The following FBXO25 variants were observed in gnomAD, a reference collection of about 807,000 sequenced individuals.
The protein encoded by FBXO25 is F-box protein 25.
FBXO25 carries 45 observed loss-of-function variants against 51.9 expected under a neutral mutation model. The ratio of observed to expected loss-of-function variants is 0.87; its 90% confidence interval spans 0.68 to 1.11. FBXO25 has a LOEUF of 1.11. FBXO25 is among the 50% of genes most tolerant of loss of function. FBXO25 has a pLI of 0.00. For synonymous variants in FBXO25, 199 were observed against 151.0 expected, an observed-to-expected ratio of 1.32 and a Z score of -2.33; for missense variants, 507 against 428.5, an observed-to-expected ratio of 1.18 and a Z score of -1.62.
chr8:413,403 C>T (rs575338146), intron 2 of FBXO25, among the ~76,000 whole-genome samples, 190 bp downstream of exon 2: 16 of 151,718 alleles, frequency 1.1e-4, no homozygotes, highest in Admixed American at 3.3e-4. Context: ...CAGATGCTTT[C>T]GTCTTTTTTT....
At chr8:422,980 T>A (rs1334293177) in intron 2 of FBXO25, among the ~76,000 whole-genome samples, 3 of 147,016 alleles carry the variant, frequency 2.0e-5, no homozygotes, top group African/African-American at 7.5e-5. Flanking sequence ...AGAGAACTTA[T>A]GCTCCATTTG....
intron 2 of FBXO25, 96 bp from the exon 3 acceptor site, chr8:431,245 T>C (rs1164707221): frequency 9.3e-6 from 6 of 644,020 alleles, no homozygotes; most frequent in Non-Finnish European, 1.6e-5. Context: ...AAGCCCACAG[T>C]CTGTCACTTT....
In FBXO25 at chr8:458,384, C is replaced by G. The variant is rs200439461; in HGVS notation, c.676C>G (p.Leu226Val). 1 of 1,613,594 alleles carries G rather than the reference C, an allele frequency of 6.2e-7. No individual in the cohort carries two copies. Among genetic ancestry groups the G allele is most frequent in the South Asian group, 1.1e-5 (1 of 90,940 alleles). ...LQMTKQVNNG[L>V]TLSDLPLHML... The stretch of plus-strand genomic sequence containing the variant: ...TTCCTTTCAGCAAGTGAACAATGGC[C>G]TCACCCTCAGTGACCTTCCTCTGCA... Residue 226 changes from leucine (L) to valine (V), a missense_variant, in exon 8 of 10, where the codon CTC (leucine) becomes GTC (valine). Coordinates refer to ENST00000350302, the MANE Select transcript of FBXO25 (RefSeq NM_183420.2).
Position 451,300 on chromosome 8 carries a change from C to G in FBXO25, c.507C>G (p.Ile169Met). The change falls in exon 7 of 10, where the codon ATC becomes ATG. Residue 169 changes from isoleucine (I) to methionine (M), a missense_variant. Physicochemically the swap from Ile to Met is conservative, Grantham distance 10. Coordinates refer to ENST00000350302, the MANE Select transcript of FBXO25 (RefSeq NM_183420.2). ...ATGACCACCACAATCCTCGCTTAATCAAAGATCTTCTGCAAGACCTAAGCT... is the reference window on the plus strand; with the variant it reads ...ATGACCACCACAATCCTCGCTTAATGAAAGATCTTCTGCAAGACCTAAGCT... Reference protein sequence around the residue: ...VLDDHHNPRLIKDLLQDLSST... With the variant: ...VLDDHHNPRLMKDLLQDLSST... The G allele has an allele frequency of 1.2e-6, 2 of 1,610,426 alleles. No homozygotes were observed. Among genetic ancestry groups the G allele is most frequent in the Admixed American group, 1.7e-5 (1 of 58,768 alleles).
chr8:436,091 A>G (rs1798088760), intron 5 of FBXO25, among the ~76,000 whole-genome samples: 1 of 152,218 alleles, frequency 6.6e-6, no homozygotes, highest in South Asian at 2.1e-4. Context: ...TTTCACAAGG[A>G]ATGAGGCTTG....
chr8:422,791 C>G (rs114349284), intron 2 of FBXO25, among the ~76,000 whole-genome samples: 2,235 of 152,264 alleles, frequency 0.015, 41 homozygotes, highest in African/African-American at 0.052. Context: ...TGGCTTACCT[C>G]TTAGTTCCCA....
chr8:438,665 A>G (rs1319365698), intron 5 of FBXO25, among the ~76,000 whole-genome samples: 1 of 152,210 alleles, frequency 6.6e-6, no homozygotes, highest in South Asian at 2.1e-4. Flanking sequence ...GGAGCCCATC[A>G]GTGCTGGCAT....
At chr8:452,686 C>T (rs1020549493) in intron 7 of FBXO25, among the ~76,000 whole-genome samples, 1 of 152,314 alleles carries the variant, frequency 6.6e-6, no homozygotes, top group East Asian at 1.9e-4. Flanking sequence ...AGGAAGCAGC[C>T]TTTCTTGTCT....
intron 8 of FBXO25, among the ~76,000 whole-genome samples, chr8:458,763 A>G (rs1337298113): frequency 1.2e-4 from 19 of 152,186 alleles, no homozygotes; most frequent in Admixed American, 1.2e-3. Flanking sequence ...CATGACTCTA[A>G]AAATAACCCA....
intron 5 of FBXO25, among the ~76,000 whole-genome samples, chr8:437,739 ATTT>A (rs34339077): frequency 5.4e-4 from 75 of 137,960 alleles, no homozygotes; most frequent in Middle Eastern, 3.7e-3. Flanking sequence ...AGTGTGTGCT[ATTT>A]TTTTTTTTTT....
chr8:408,331 A>AC (rs1278399315), intron 1 of FBXO25, among the ~76,000 whole-genome samples: 1 of 152,022 alleles, frequency 6.6e-6, no homozygotes, highest in Non-Finnish European at 1.5e-5. Flanking sequence ...ACGGTAAAAA[A>AC]AAAAAAAGTT....
In FBXO25 at chr8:424,117, C is replaced by CTT. The variant is rs1797326646; in HGVS notation, c.135-7224_135-7223insTT. Among the ~76,000 whole-genome samples, 83 of 134,358 alleles carry CTT rather than the reference C, an allele frequency of 6.2e-4. 1 individual carries two copies. Among genetic ancestry groups the CTT allele is most frequent in the African/African-American group, 2.5e-3 (82 of 33,200 alleles). The allele number at this position is 134,358 out of a possible 152,430, so 88.1% of individuals were successfully genotyped here. On this transcript the variant is annotated intron_variant, in intron 2 of 9. Coordinates refer to ENST00000350302, the MANE Select transcript of FBXO25 (RefSeq NM_183420.2). ...GAAGTGCCTGTTCATGTCCTTTGCC[C>CTT]ATTTTTTTTTTTTTTTTTTGAGACA...
In FBXO25 at chr8:469,070, A is replaced by G. The variant is rs1182307260; in HGVS notation, c.*266A>G. ...AATTTTGCGTACTCTCTCTCTCTAT[A>G]TATATAGTTCAAAAATACTTTAGGT... On this transcript the variant is annotated 3_prime_UTR_variant, in exon 10 of 10. Coordinates refer to ENST00000350302, the MANE Select transcript of FBXO25 (RefSeq NM_183420.2). The G allele has an allele frequency of 1.7e-5, 6 of 350,612 alleles. No homozygotes were observed. In the South Asian group the frequency reaches 2.5e-4, roughly 14 times the overall value. 21.7% of individuals were successfully genotyped at this position (350,612 alleles called of 1,614,324 possible).
intron 2 of FBXO25, among the ~76,000 whole-genome samples, chr8:429,103 T>G (rs1174173321): frequency 3.3e-5 from 5 of 152,202 alleles, no homozygotes; most frequent in Admixed American, 2.0e-4. Flanking sequence ...TTTAATTTTT[T>G]GAAGAACCTC....
intron 9 of FBXO25, among the ~76,000 whole-genome samples, chr8:467,137 C>T (rs919894869): frequency 3.3e-5 from 5 of 152,114 alleles, no homozygotes; most frequent in African/African-American, 9.7e-5. Flanking sequence ...TTGCTAGTAG[C>T]ATCCTGAACC....
intron 4 of FBXO25, 27 bp downstream of exon 4, chr8:432,962 G>A (rs368805517): frequency 4.6e-6 from 7 of 1,519,020 alleles, no homozygotes; most frequent in South Asian, 1.3e-5. Context: ...AAATATGAGA[G>A]TATCTTGTAT....
In FBXO25 at chr8:469,582, C is replaced by A. The variant is rs1426232941; in HGVS notation, c.*778C>A. 5 of 152,192 alleles carry A rather than the reference C, an allele frequency of 3.3e-5. No homozygotes were observed. Among genetic ancestry groups the A allele is most frequent in the Non-Finnish European group, 7.3e-5 (5 of 68,032 alleles). 9.4% of individuals were successfully genotyped at this position (152,192 alleles called of 1,614,324 possible). A position where few individuals can be genotyped will look rare whatever the true frequency, so the allele number is the denominator to read the frequency against. On this transcript the variant is annotated 3_prime_UTR_variant, in exon 10 of 10. Coordinates refer to ENST00000350302, the MANE Select transcript of FBXO25 (RefSeq NM_183420.2). ...CATGTTTATCTATTGATTTAAACTT[C>A]ATCAGTTTTGCATCCTACTGAGAAA...
intron 9 of FBXO25, chr8:468,366 A>C: frequency 2.7e-6 from 2 of 734,858 alleles, no homozygotes; most frequent in Non-Finnish European, 3.3e-6. Context: ...CTGGGACCAG[A>C]GGACAGAAAG....
chr8:420,111 C>G (rs550900149), intron 2 of FBXO25, among the ~76,000 whole-genome samples: 33 of 152,158 alleles, frequency 2.2e-4, no homozygotes, highest in African/African-American at 7.9e-4. Flanking sequence ...TAGCCTGAGG[C>G]CACGGTACCA....
Sources: allele counts gnomAD v4.1 joint callset (sites outside exome capture counted in the v4.1 genomes callset), GRCh38; gene constraint gnomAD v4.1.1; transcripts MANE v1.5; gene names NCBI Gene and HGNC (gene_info 2026-07-23, HGNC 2026-07-21).